Variants in CDKL4 observed in about 807,000 individuals in gnomAD.
CDKL4 encodes the protein cyclin-dependent kinase-like 4.
Under a neutral mutation model 42.0 loss-of-function variants are expected in CDKL4, and 44 were observed. The ratio of observed to expected loss-of-function variants is 1.05; its 90% CI spans 0.82 to 1.35. The LOEUF is 1.35. Ranked by LOEUF, CDKL4 falls within the 40% of genes most tolerant of loss-of-function variation. The probability of loss-of-function intolerance (pLI) is 0.00; values close to 1 mark genes in which losing one functional copy is unlikely to be tolerated. For missense variants in CDKL4, 393 were observed against 369.9 expected (o/e 1.06, Z -0.51); for synonymous variants, 120 against 121.6 (o/e 0.99, Z 0.09).
At chr2:39,226,923 C>T (rs1344334615) in intron 2 of CDKL4, among the ~76,000 whole-genome samples, 5 of 152,132 alleles carry the variant, frequency 3.3e-5, no homozygotes, top group Admixed American at 6.5e-5. Flanking sequence ...GGTGCTACCA[C>T]GCCTGGCTAA....
chr2:39,200,974 C>T (rs1676805139), intron 5 of CDKL4, among the ~76,000 whole-genome samples: 1 of 152,026 alleles, frequency 6.6e-6, no homozygotes, highest in African/African-American at 2.4e-5. Context: ...ATAGATGGAA[C>T]TTAAACTAAA....
chr2:39,204,585 A>G (rs768652437), exon 5 of CDKL4: 1 of 1,605,048 alleles, frequency 6.2e-7, no homozygotes, highest in Non-Finnish European at 8.5e-7. Flanking sequence ...TAGTTATTAG[A>G]ATATTTTCAG....
At chr2:39,211,832 G>A (rs1256956810) in intron 4 of CDKL4, among the ~76,000 whole-genome samples, 1 of 151,950 alleles carries the variant, frequency 6.6e-6, no homozygotes, top group Non-Finnish European at 1.5e-5. Context: ...TAACATTATC[G>A]AAAGTGGGAC....
rs116321307 is a variant in CDKL4, at chr2:39,189,911, G to A, written c.652+394C>T. 7.6e-3 allele frequency among the ~76,000 whole-genome samples: 1,150 copies of A among 152,254 alleles called. 16 individuals are homozygous for A. Among genetic ancestry groups the A allele is most frequent in the African/African-American group, 0.027 (1,105 of 41,534 alleles). ...AGCTTTTTATAGAAACAAATTTGCT[G>A]ATTCCTGCTCTAGAGTAAAGGGGGG... On this transcript the variant is annotated intron_variant, in intron 6 of 9. Transcript: ENST00000451199.
intron 3 of CDKL4, 72 bp from the exon 4 acceptor site, chr2:39,213,544 A>G (rs1677713470): frequency 4.0e-6 from 4 of 1,000,202 alleles, no homozygotes; most frequent in Non-Finnish European, 6.4e-6. Flanking sequence ...TGGGAATAGA[A>G]GTGGAGTGGT....
intron 9 of CDKL4, among the ~76,000 whole-genome samples, chr2:39,178,158 T>C (rs970435885): frequency 6.6e-6 from 1 of 152,352 alleles, no homozygotes; most frequent in South Asian, 2.1e-4. Flanking sequence ...AATCAAAATA[T>C]GGATACCTAG....
chr2:39,226,864 C>G (rs1297439102), intron 2 of CDKL4, among the ~76,000 whole-genome samples: 1 of 151,826 alleles, frequency 6.6e-6, no homozygotes, highest in Middle Eastern at 3.2e-3. Context: ...CCTCCTGGTT[C>G]CAAGTGATGC....
chr2:39,184,320 G>A (rs1675603633), intron 8 of CDKL4, among the ~76,000 whole-genome samples: 1 of 152,154 alleles, frequency 6.6e-6, no homozygotes, highest in Admixed American at 6.5e-5. Context: ...CCTTGGTTTG[G>A]CGTCTCTCTT....
intron 9 of CDKL4, chr2:39,178,871 AG>A (rs1385713062): frequency 1.7e-5 from 25 of 1,472,626 alleles, no homozygotes; most frequent in African/African-American, 2.8e-5. Context: ...TGTTGGAATC[AG>A]CATTTTATTA....
In CDKL4 at chr2:39,190,478, T is replaced by C. The variant is rs766501419; in HGVS notation, c.479A>G (p.Tyr160Cys). The C allele has an allele frequency of 5.0e-6, 8 of 1,614,074 alleles. No homozygotes were observed. The Admixed American group carries it at 6.7e-5, about 13-fold the overall frequency. ...AGCTCGGTACCATCTCGTAGCTACA[T>C]AATCGGTGTAGGCATCTCCTGGAAC... The change falls in exon 6 of 10, where the codon TAT becomes TGT. Residue 160 changes from tyrosine to cysteine, a missense_variant. By Grantham distance (194) the Tyr-to-Cys change is radical. Coordinates refer to ENST00000451199, the Ensembl canonical transcript of CDKL4.
At chr2:39,191,466 G>A (rs765006792) in intron 5 of CDKL4, among the ~76,000 whole-genome samples, 44 of 152,184 alleles carry the variant, frequency 2.9e-4, no homozygotes, top group Non-Finnish European at 4.6e-4. Context: ...GAGGGAATGT[G>A]GCCCTGCTGA....
chr2:39,174,727 T>A (rs1332741133), downstream of CDKL4, among the ~76,000 whole-genome samples: 1 of 152,210 alleles, frequency 6.6e-6, no homozygotes, highest in East Asian at 1.9e-4. Context: ...TATCACTGAT[T>A]GCGCCTTTTT....
chr2:39,245,665 G>T (rs1217549752), upstream of CDKL4, among the ~76,000 whole-genome samples: 1 of 152,176 alleles, frequency 6.6e-6, no homozygotes, highest in Non-Finnish European at 1.5e-5. Context: ...CTTTCCCAAG[G>T]CATCGAGAGC....
intron 5 of CDKL4, among the ~76,000 whole-genome samples, chr2:39,196,700 TG>T (rs1676534702): frequency 6.6e-6 from 1 of 152,132 alleles, no homozygotes; most frequent in African/African-American, 2.4e-5. Flanking sequence ...CTCTGCTTCC[TG>T]GGTACAAGTG....
intron 4 of CDKL4, among the ~76,000 whole-genome samples, chr2:39,207,560 T>C (rs1287528252): frequency 6.6e-6 from 1 of 152,222 alleles, no homozygotes; most frequent in Non-Finnish European, 1.5e-5. Context: ...CTAGAATTTC[T>C]AGACTATATG....
At chr2:39,245,755 TTC>T (rs946397903), upstream of CDKL4, among the ~76,000 whole-genome samples, 5 of 152,374 alleles carry the variant, frequency 3.3e-5, no homozygotes, top group South Asian at 2.1e-4. Flanking sequence ...GTTTGCAAGA[TTC>T]TCTGTCATTA....
At chr2:39,168,725 G>A in the CDKL4 span, among the ~76,000 whole-genome samples, 9 of 148,998 alleles carry the variant, frequency 6.0e-5, no homozygotes, top group African/African-American at 2.2e-4. Context: ...AAAAAAAAGA[G>A]AGAGCCTGAG....
intron 1 of CDKL4, among the ~76,000 whole-genome samples, chr2:39,240,509 C>A (rs1423055987): frequency 2.7e-5 from 4 of 150,644 alleles, no homozygotes; most frequent in Non-Finnish European, 4.4e-5. Context: ...CTAACAATGA[C>A]ATGTAAGCAA....
At chr2:39,173,925 G>C (rs1047929929), downstream of CDKL4, among the ~76,000 whole-genome samples, 1 of 152,046 alleles carries the variant, frequency 6.6e-6, no homozygotes, top group African/African-American at 2.4e-5. Context: ...CGAGGGTGCA[G>C]TGAGCCACGA....
Sources: allele counts gnomAD v4.1 joint callset (sites outside exome capture counted in the v4.1 genomes callset), GRCh38; gene constraint gnomAD v4.1.1; transcripts MANE v1.5; gene names NCBI Gene and HGNC (gene_info 2026-07-23, HGNC 2026-07-21).